The following PDE1C variants were observed in gnomAD, a reference collection of about 807,000 sequenced individuals.
The protein encoded by PDE1C is dual specificity calcium/calmodulin-dependent 3',5'-cyclic nucleotide phosphodiesterase 1C.
PDE1C carries 62 observed loss-of-function variants against 93.1 expected under a neutral mutation model. That is an observed-to-expected ratio of 0.67 (90% CI 0.54 to 0.82). The LOEUF is 0.82. PDE1C is among the 40% of genes least tolerant of loss of function. The probability of loss-of-function intolerance (pLI) is 0.00; values close to 1 mark genes in which losing one functional copy is unlikely to be tolerated. For synonymous variants in PDE1C, 325 were observed against 310.1 expected (o/e 1.05, Z -0.50); for missense variants, 742 against 884.6 (o/e 0.84, Z 2.04).
rs191028789 is a variant in PDE1C at position 31,751,311 on chromosome 7, A to G, written c.*2073T>C. Reference sequence around the variant, plus strand: ...ACATCTGTACATTTGCTCCATTAAAATATTAGCAAAGGTTGAAAAAAACTC... The same window carrying G: ...ACATCTGTACATTTGCTCCATTAAAGTATTAGCAAAGGTTGAAAAAAACTC... On this transcript the variant is annotated 3_prime_UTR_variant, in exon 18 of 18. Coordinates refer to ENST00000396191, the MANE Select transcript of PDE1C (RefSeq NM_001191057.4). 6.6e-6 allele frequency: 1 copy of G among 152,224 alleles called. No homozygotes were observed. The highest frequency in any genetic ancestry group is 1.5e-5 in the Non-Finnish European group (1 of 68,042). The allele number at this position is 152,224 out of a possible 1,614,324, so 9.4% of individuals were successfully genotyped here.
chr7:32,004,107 G>T (rs749440396), intron 2 of PDE1C, among the ~76,000 whole-genome samples: 2 of 152,018 alleles, frequency 1.3e-5, no homozygotes, highest in Non-Finnish European at 2.9e-5. Context: ...AGGTAATGAG[G>T]ACTCGAACTC....
chr7:32,114,449 T>C lies in PDE1C; in HGVS notation c.308+55336A>G, dbSNP rs1283299388. 2.0e-5 allele frequency among the ~76,000 whole-genome samples: 3 copies of C among 152,252 alleles called. No individual in the cohort carries two copies. In the East Asian group the frequency reaches 5.8e-4, roughly 29 times the overall value. The stretch of plus-strand genomic sequence containing the variant: ...GAAAACTGAAACTGGACCCCTTCCT[T>C]ACACCTTTGGAATTAACTCAAGATG... On this transcript the variant is annotated intron_variant, in intron 3 of 18. Transcript: ENST00000396193.
chr7:31,837,161 A>G lies in PDE1C; in HGVS notation c.1203+19T>C, dbSNP rs1319112421. On this transcript the variant is annotated intron_variant, in intron 11 of 17. Transcript: ENST00000396191. Reference sequence around the variant, plus strand: ...TATCCAATGATGACAGTCCTGATGGAGAGAGAGCAACAAGGTACCTGTCTG... The same window carrying G: ...TATCCAATGATGACAGTCCTGATGGGGAGAGAGCAACAAGGTACCTGTCTG... The G allele has an allele frequency of 3.1e-6, 5 of 1,609,496 alleles. No homozygotes were observed. The highest frequency in any genetic ancestry group is 2.2e-5 in the East Asian group (1 of 44,762).
At chr7:31,913,390 T>C (rs968528846) in intron 2 of PDE1C, among the ~76,000 whole-genome samples, 9 of 151,596 alleles carry the variant, frequency 5.9e-5, no homozygotes, top group Non-Finnish European at 1.2e-4. Context: ...TCCATTCTAT[T>C]ACAGAATGAA....
At chr7:31,948,593 C>A (rs1440772493) in intron 2 of PDE1C, among the ~76,000 whole-genome samples, 1 of 152,102 alleles carries the variant, frequency 6.6e-6, no homozygotes, top group Non-Finnish European at 1.5e-5. Flanking sequence ...TTCTCCGGGC[C>A]CTTTTCTTCC....
At chr7:31,640,893 C>T in the PDE1C span, among the ~76,000 whole-genome samples, 1 of 151,898 alleles carries the variant, frequency 6.6e-6, no homozygotes, top group East Asian at 1.9e-4. Flanking sequence ...AAATGTATGC[C>T]CTCTGATTTT....
At chr7:32,308,582 G>A (rs530959578) in intron 1 of PDE1C, among the ~76,000 whole-genome samples, 18 of 152,344 alleles carry the variant, frequency 1.2e-4, no homozygotes, top group African/African-American at 2.6e-4. Flanking sequence ...ACCAAGATCC[G>A]CTGTTCTACA....
chr7:31,624,168 G>A, the PDE1C span, among the ~76,000 whole-genome samples: 9 of 150,044 alleles, frequency 6.0e-5, no homozygotes, highest in East Asian at 2.0e-4. Flanking sequence ...GGTAGGAAGA[G>A]TCAATATCGT....
intron 2 of PDE1C, among the ~76,000 whole-genome samples, chr7:32,035,117 C>T (rs1448672551): frequency 6.6e-6 from 1 of 152,108 alleles, no homozygotes; most frequent in East Asian, 1.9e-4. Flanking sequence ...CCACCGAAAT[C>T]CAACCCAAAG....
Position 32,375,547 on chromosome 7 carries a change from G to A in PDE1C, c.310+52275C>T, listed in dbSNP as rs532035844. Among the ~76,000 whole-genome samples, 376 of 152,350 alleles carry A rather than the reference G, an allele frequency of 2.5e-3. 1 individual carries two copies. Among genetic ancestry groups the A allele is most frequent in the Admixed American group, 5.0e-3 (76 of 15,304 alleles). On this transcript the variant is annotated intron_variant, in intron 1 of 1. Transcript: ENST00000672256. ...CAACAACAACAATACCTTCTGGGTA[G>A]AGGCCAGAAATGTTGCTAAACATCC...
rs150785339 is a variant in PDE1C at position 32,394,837 on chromosome 7, A to T, written c.310+32985T>A. 3.0e-4 allele frequency among the ~76,000 whole-genome samples: 46 copies of T among 152,220 alleles called. No individual in the cohort carries two copies. The East Asian group carries it at 8.9e-3, about 29-fold the overall frequency. On this transcript the variant is annotated intron_variant, in intron 1 of 1. Coordinates refer to the PDE1C transcript ENST00000672256. ...TGAAAAAAATATCTAAATAAATAAAAGAGTCTGGAACCTTCCTCCCTTTTC... is the reference window on the plus strand; with the variant it reads ...TGAAAAAAATATCTAAATAAATAAATGAGTCTGGAACCTTCCTCCCTTTTC...
chr7:31,698,418 G>T, the PDE1C span, among the ~76,000 whole-genome samples: 1 of 152,236 alleles, frequency 6.6e-6, no homozygotes, highest in African/African-American at 2.4e-5. Context: ...TGTATACCAA[G>T]ATGAATGGTG....
intron 6 of PDE1C, among the ~76,000 whole-genome samples, chr7:31,866,174 ATATG>A: frequency 6.6e-6 from 1 of 152,252 alleles, no homozygotes; most frequent in Non-Finnish European, 1.5e-5. Context: ...AAAGGAGAGG[ATATG>A]TCTTCCTGAG....
At chr7:32,027,768 GCTGT>G (rs1262171073) in intron 2 of PDE1C, among the ~76,000 whole-genome samples, 2 of 150,862 alleles carry the variant, frequency 1.3e-5, no homozygotes, top group Non-Finnish European at 2.9e-5. Context: ...AAAAAAATCT[GCTGT>G]CTATTAGGCT....
chr7:31,801,935 A>G (rs1786104565), intron 16 of PDE1C, among the ~76,000 whole-genome samples: 1 of 151,466 alleles, frequency 6.6e-6, no homozygotes, highest in Non-Finnish European at 1.5e-5. Flanking sequence ...TTGTTGCATT[A>G]ATATGTTTAA....
chr7:31,662,423 G>GA, the PDE1C span, among the ~76,000 whole-genome samples: 1 of 152,052 alleles, frequency 6.6e-6, no homozygotes, highest in Non-Finnish European at 1.5e-5. Flanking sequence ...TCAGTGCCTG[G>GA]AAAAAAATCC....
At chr7:31,855,144 A>T (rs1793855018) in intron 7 of PDE1C, among the ~76,000 whole-genome samples, 1 of 150,790 alleles carries the variant, frequency 6.6e-6, no homozygotes, top group Admixed American at 6.6e-5. Context: ...GCCAGTGTGG[A>T]TGGGTTCTCT....
intron 2 of PDE1C, among the ~76,000 whole-genome samples, chr7:31,956,442 A>G (rs1808157745): frequency 6.6e-6 from 1 of 150,940 alleles, no homozygotes; most frequent in Non-Finnish European, 1.5e-5. Context: ...ACAGTGGGGC[A>G]AGCTCCTTCT....
chr7:31,784,562 G>C (rs1326218521), intron 16 of PDE1C: 1 of 151,890 alleles, frequency 6.6e-6, no homozygotes, highest in African/African-American at 2.4e-5. Context: ...AGCAGAATGG[G>C]TTACCTGGAC....
Sources: gnomAD v4.1 joint callset for allele counts (sites outside exome capture counted in the v4.1 genomes callset) on GRCh38, gnomAD v4.1.1 for gene constraint, MANE v1.5 for transcripts, NCBI Gene and HGNC (gene_info 2026-07-23, HGNC 2026-07-21) for gene names.